Variants in HMMR observed in about 807,000 individuals in gnomAD.
The protein encoded by HMMR is hyaluronan mediated motility receptor, also known as intracellular hyaluronic acid-binding protein.
A neutral mutation model predicts 101.0 loss-of-function variants in HMMR; 108 were observed. That is an observed-to-expected ratio of 1.07 (90% CI 0.92 to 1.25). HMMR has a LOEUF of 1.25. Ranked by LOEUF, HMMR falls within the 50% of genes most tolerant of loss-of-function variation. The pLI is 0.00. For synonymous variants in HMMR, 296 were observed against 276.4 expected (o/e 1.07, Z -0.70); for missense variants, 813 against 788.7 (o/e 1.03, Z -0.37).
Position 163,490,461 on chromosome 5 carries a change from T to C in HMMR, c.2034T>C (p.Asn678=). 2 of 1,599,868 alleles carry C rather than the reference T, an allele frequency of 1.3e-6. No homozygotes were observed. Among genetic ancestry groups the C allele is most frequent in the Non-Finnish European group, 8.5e-7 (1 of 1,174,820 alleles). ...QSETKLQEEL[N]KVLGIKHFDP... is the part of the protein sequence containing the mutation. Reference sequence around the variant, plus strand: ...AGACAAAACTTCAAGAGGAATTGAATAAAGTTCTAGGTATCAAACACTTTG... The same window carrying C: ...AGACAAAACTTCAAGAGGAATTGAACAAAGTTCTAGGTATCAAACACTTTG... Residue 678 remains asparagine, a synonymous_variant, in exon 17 of 18, where the codon AAT becomes AAC. Coordinates refer to ENST00000393915, the MANE Select transcript of HMMR (RefSeq NM_001142556.2).
chr5:163,476,216 T>C (rs906146582), intron 11 of HMMR, among the ~76,000 whole-genome samples: 1 of 151,632 alleles, frequency 6.6e-6, no homozygotes, highest in Non-Finnish European at 1.5e-5. Context: ...ACTTAGAAAG[T>C]TGTGGGAGGA....
intron 5 of HMMR, among the ~76,000 whole-genome samples, 161 bp from the exon 6 acceptor site, chr5:163,471,024 A>C (rs1758869970): frequency 6.6e-6 from 1 of 152,162 alleles, no homozygotes; most frequent in African/African-American, 2.4e-5. Context: ...AATTAAATCA[A>C]TCAGTAATTA....
intron 16 of HMMR, among the ~76,000 whole-genome samples, chr5:163,486,536 T>C (rs548904846): frequency 1.3e-5 from 2 of 152,358 alleles, no homozygotes; most frequent in East Asian, 3.9e-4. Context: ...TTCCTTAGGA[T>C]GTTCTTATAG....
Position 163,474,124 on chromosome 5 carries a change from G to T in HMMR, c.972G>T (p.Gln324His). The change falls in exon 10 of 18, where the codon CAG (glutamine) becomes CAT (histidine). Residue 324 changes from glutamine to histidine, a missense_variant. By Grantham distance (24) the Gln-to-His change is conservative. Coordinates refer to ENST00000393915, the MANE Select transcript of HMMR (RefSeq NM_001142556.2). ...ATGCAGAGATGCAAAACTTAAAACA[G>T]AAGTTTATTCTTGAACAACAGGAAC... ...NLNAEMQNLK[Q>H]KFILEQQERE... 1.9e-6 allele frequency: 3 copies of T among 1,610,886 alleles called. No homozygotes were observed. Among genetic ancestry groups the T allele is most frequent in the Non-Finnish European group, 2.5e-6 (3 of 1,177,730 alleles).
chr5:163,470,498 C>T (rs1195024707), intron 5 of HMMR, among the ~76,000 whole-genome samples: 1 of 151,892 alleles, frequency 6.6e-6, no homozygotes, highest in Non-Finnish European at 1.5e-5. Flanking sequence ...TGGCGTACAC[C>T]CGTAATTCCA....
At chr5:163,474,332 G>A (rs1759001902) in intron 10 of HMMR, 127 bp downstream of exon 10, 1 of 707,062 alleles carries the variant, frequency 1.4e-6, no homozygotes. Flanking sequence ...TTATCCTGAG[G>A]ACATAATCAT....
At chr5:163,470,541 T>G (rs1758851348) in intron 5 of HMMR, among the ~76,000 whole-genome samples, 1 of 151,568 alleles carries the variant, frequency 6.6e-6, no homozygotes. Context: ...GAGAATAGCT[T>G]GAACTCGGGA....
intron 12 of HMMR, among the ~76,000 whole-genome samples, chr5:163,479,681 T>A (rs1344913908): frequency 6.6e-6 from 1 of 151,984 alleles, no homozygotes; most frequent in African/African-American, 2.4e-5. Context: ...GAAAAATAAA[T>A]AAAATACATA....
intron 3 of HMMR, among the ~76,000 whole-genome samples, chr5:163,467,217 A>C (rs1758733241): frequency 6.6e-6 from 1 of 152,242 alleles, no homozygotes; most frequent in Non-Finnish European, 1.5e-5. Context: ...ATATAGTGTG[A>C]AAATTATATG....
Position 163,489,768 on chromosome 5 carries a change from C to A in HMMR, c.1963-622C>A, listed in dbSNP as rs974188114. Among the ~76,000 whole-genome samples, 24 of 152,292 alleles carry A rather than the reference C, an allele frequency of 1.6e-4. No homozygotes were observed. In the South Asian group the frequency reaches 3.7e-3, roughly 24 times the overall value. On this transcript the variant is annotated intron_variant, in intron 16 of 17. Transcript: ENST00000393915. The stretch of plus-strand genomic sequence containing the variant: ...TTTGTCCAGGATATAACTGCAGCCA[C>A]AGGGAGCTGGGGACAAAATGAGAAA...
chr5:163,473,601 A>G (rs572831904), intron 9 of HMMR, 44 bp downstream of exon 9: 3 of 1,255,456 alleles, frequency 2.4e-6, no homozygotes, highest in Admixed American at 5.1e-5. Context: ...TAAGTGTTAC[A>G]TACAACATTT....
At chr5:163,486,551 T>C (rs1017198256) in intron 16 of HMMR, among the ~76,000 whole-genome samples, 3 of 152,228 alleles carry the variant, frequency 2.0e-5, no homozygotes, top group African/African-American at 7.2e-5. Flanking sequence ...TTATAGATCA[T>C]GTCTTTTGCA....
intron 3 of HMMR, among the ~76,000 whole-genome samples, chr5:163,466,929 G>A (rs1758725166): frequency 6.6e-6 from 1 of 152,116 alleles, no homozygotes. Context: ...ATTTCTTGAA[G>A]AAACTGTTCT....
intron 12 of HMMR, among the ~76,000 whole-genome samples, chr5:163,479,760 T>C (rs1759195363): frequency 6.6e-6 from 1 of 152,160 alleles, no homozygotes; most frequent in Non-Finnish European, 1.5e-5. Flanking sequence ...GTCATTCCCT[T>C]CTTAACCCCA....
Position 163,480,664 on chromosome 5 carries a change from C to G in HMMR, c.1385+1864C>G, listed in dbSNP as rs371403062. Reference sequence around the variant, plus strand: ...TAGTGTTGTATAAGTTTCCATTTATCTTCTTTGCCAAAGCTTGTTAGACTT... The same window carrying G: ...TAGTGTTGTATAAGTTTCCATTTATGTTCTTTGCCAAAGCTTGTTAGACTT... On this transcript the variant is annotated intron_variant, in intron 12 of 17. Coordinates refer to ENST00000393915, the MANE Select transcript of HMMR (RefSeq NM_001142556.2). Among the ~76,000 whole-genome samples the G allele has an allele frequency of 3.8e-3, 572 of 152,226 alleles. 5 individuals are homozygous for G. The highest frequency in any genetic ancestry group is 0.013 in the African/African-American group (550 of 41,558).
intron 3 of HMMR, 162 bp downstream of exon 3, chr5:163,464,964 T>C (rs974618114): frequency 6.8e-6 from 4 of 591,144 alleles, no homozygotes; most frequent in Non-Finnish European, 1.2e-5. Context: ...AAGTTTTACA[T>C]TTCTGCCTAG....
intron 12 of HMMR, among the ~76,000 whole-genome samples, chr5:163,480,848 ATGGGTTACAGG>A (rs1389284901): frequency 1.3e-5 from 2 of 152,094 alleles, no homozygotes; most frequent in Non-Finnish European, 2.9e-5. Context: ...TATCAGCCAT[ATGGGTTACAGG>A]TATCTTCTGC....
chr5:163,469,064 T>C (rs1340108900), intron 4 of HMMR, among the ~76,000 whole-genome samples: 1 of 152,146 alleles, frequency 6.6e-6, no homozygotes, highest in Non-Finnish European at 1.5e-5. Flanking sequence ...TGGAAATACC[T>C]TAAAAGTGAA....
At chr5:163,490,272 T>C in intron 16 of HMMR, 118 bp from the exon 17 acceptor site, 1 of 623,854 alleles carries the variant, frequency 1.6e-6, no homozygotes, top group Non-Finnish European at 2.8e-6. Flanking sequence ...GTAGTGATTT[T>C]TGCTGTTGAG....
Sources: allele counts gnomAD v4.1 joint callset (sites outside exome capture counted in the v4.1 genomes callset), GRCh38; gene constraint gnomAD v4.1.1; transcripts MANE v1.5; gene names NCBI Gene and HGNC (gene_info 2026-07-23, HGNC 2026-07-21).